Variants in ATG14 observed in about 807,000 individuals in gnomAD.
ATG14 encodes the protein beclin 1-associated autophagy-related key regulator.
Under a neutral mutation model 60.4 loss-of-function variants are expected in ATG14, and 35 were observed. The observed-to-expected ratio is 0.58, with a 90% CI of 0.44 to 0.77. The LOEUF is 0.77. ATG14 is among the 30% of genes least tolerant of loss of function. ATG14 has a pLI of 0.00. For missense variants in ATG14, 647 were observed against 626.3 expected, an observed-to-expected ratio of 1.03 and a Z score of -0.35; for synonymous variants, 234 against 228.8, an observed-to-expected ratio of 1.02 and a Z score of -0.21.
At position 55,402,963 on chromosome 14, in the gene ATG14, ATATAT is replaced by A. The variant is rs1566585791; in HGVS notation, c.222-5534_222-5530del. Among the ~76,000 whole-genome samples the A allele has an allele frequency of 1.5e-3, 114 of 78,322 alleles. 1 individual carries two copies. The highest frequency in any genetic ancestry group is 3.9e-3 in the African/African-American group (95 of 24,262). 51.4% of individuals were successfully genotyped at this position (78,322 alleles called of 152,430 possible). Reference sequence around the variant, plus strand: ...TATATATATATATATATATATATATATATATAAATAGCTGGGCATAGTGGTGCATG... The same window carrying A: ...TATATATATATATATATATATATATAAAATAGCTGGGCATAGTGGTGCATG... On this transcript the variant is annotated intron_variant, in intron 1 of 9. Coordinates refer to ENST00000247178, the MANE Select transcript of ATG14 (RefSeq NM_014924.5).
At chr14:55,397,828 A>G (rs1261507690) in intron 1 of ATG14, among the ~76,000 whole-genome samples, 1 of 152,156 alleles carries the variant, frequency 6.6e-6, no homozygotes, top group Non-Finnish European at 1.5e-5. Context: ...GATTCCTTAT[A>G]ATAAATTTTT....
chr14:55,384,051 A>G (rs1422323435), intron 5 of ATG14, among the ~76,000 whole-genome samples: 1 of 152,192 alleles, frequency 6.6e-6, no homozygotes, highest in East Asian at 1.9e-4. Context: ...TGCCACAGAT[A>G]AGACTGTGGC....
intron 7 of ATG14, among the ~76,000 whole-genome samples, chr14:55,379,294 G>A (rs861714): frequency 1.3e-5 from 2 of 152,114 alleles, no homozygotes; most frequent in African/African-American, 4.8e-5. Flanking sequence ...CCAGCACTGT[G>A]GGAGGCAGAG....
intron 3 of ATG14, among the ~76,000 whole-genome samples, chr14:55,393,251 G>C (rs555117633): frequency 6.6e-6 from 1 of 152,090 alleles, no homozygotes; most frequent in East Asian, 1.9e-4. Flanking sequence ...CGGGCGTGGT[G>C]GTGGGCGCCT....
chr14:55,366,881 AAC>A lies in ATG14; in HGVS notation c.*2736_*2737del, dbSNP rs533252518. The A allele has an allele frequency of 2.2e-3, 343 of 152,750 alleles. 4 individuals are homozygous for A. The highest frequency in any genetic ancestry group is 7.6e-3 in the African/African-American group (315 of 41,552). 9.5% of individuals were successfully genotyped at this position (152,750 alleles called of 1,614,324 possible). ...AATGAGCAGCAAAAAGAGTAGAAAA[AAC>A]AGTGGTTGAAATGTATACTTAAGAG... On this transcript the variant is annotated 3_prime_UTR_variant, in exon 10 of 10. Coordinates refer to ENST00000247178, the MANE Select transcript of ATG14 (RefSeq NM_014924.5).
intron 9 of ATG14, among the ~76,000 whole-genome samples, chr14:55,373,286 A>C (rs1884857196): frequency 6.6e-6 from 1 of 152,178 alleles, no homozygotes. Context: ...CTACCAATTA[A>C]GGCAACAAAA....
chr14:55,401,605 A>G (rs1399501149), intron 1 of ATG14, among the ~76,000 whole-genome samples: 2 of 152,108 alleles, frequency 1.3e-5, no homozygotes, highest in Admixed American at 6.5e-5. Context: ...TCTCAAATGA[A>G]CTTTGTTGTT....
intron 1 of ATG14, among the ~76,000 whole-genome samples, chr14:55,402,776 C>T (rs1011286259): frequency 2.0e-5 from 3 of 147,078 alleles, no homozygotes; most frequent in Non-Finnish European, 4.5e-5. Flanking sequence ...AAATTAGAAA[C>T]AGGCCAGGTG....
At chr14:55,380,407 G>A (rs150766524) in intron 7 of ATG14, among the ~76,000 whole-genome samples, 166 bp downstream of exon 7, 2 of 152,228 alleles carry the variant, frequency 1.3e-5, no homozygotes, top group Admixed American at 6.5e-5. Flanking sequence ...ATAATGAAAC[G>A]AATCTGCACA....
intron 4 of ATG14, among the ~76,000 whole-genome samples, chr14:55,389,915 T>C (rs373802521): frequency 1.3e-5 from 2 of 152,054 alleles, no homozygotes; most frequent in Admixed American, 1.3e-4. Flanking sequence ...TGTACAAATA[T>C]GATGTAAGAT....
chr14:55,399,312 T>C (rs1885362819), intron 1 of ATG14, among the ~76,000 whole-genome samples: 1 of 152,266 alleles, frequency 6.6e-6, no homozygotes, highest in African/African-American at 2.4e-5. Context: ...TCAGTTGTAC[T>C]GCCATCCACA....
At chr14:55,377,957 A>C (rs758746017) in intron 8 of ATG14, 27 bp downstream of exon 8, 64 of 1,595,994 alleles carry the variant, frequency 4.0e-5, no homozygotes, top group Non-Finnish European at 4.7e-5. Flanking sequence ...ACAAAGTAAA[A>C]ATTAGTTCAC....
chr14:55,389,120 T>C (rs1885172427), intron 4 of ATG14, among the ~76,000 whole-genome samples: 1 of 152,226 alleles, frequency 6.6e-6, no homozygotes, highest in African/African-American at 2.4e-5. Flanking sequence ...CTCCTTTAGA[T>C]CTATGTCTAA....
At chr14:55,398,652 A>C (rs532991113) in intron 1 of ATG14, among the ~76,000 whole-genome samples, 38 of 152,254 alleles carry the variant, frequency 2.5e-4, no homozygotes, top group East Asian at 1.2e-3. Flanking sequence ...TCGATCTTGT[A>C]ACCTGAGACT....
intron 4 of ATG14, among the ~76,000 whole-genome samples, chr14:55,388,367 T>C (rs961568865): frequency 1.6e-4 from 24 of 152,236 alleles, no homozygotes; most frequent in Admixed American, 1.2e-3. Context: ...TGGCAGGAAA[T>C]CATCAGTCAC....
chr14:55,411,782 G>T lies in ATG14; in HGVS notation c.41C>A (p.Ala14Asp). The T allele has an allele frequency of 6.2e-7, 1 of 1,602,686 alleles. No homozygotes were observed. The highest frequency in any genetic ancestry group is 8.5e-7 in the Non-Finnish European group (1 of 1,175,260). Residue 14 changes from alanine (A) to aspartate (D), a missense_variant, in exon 1 of 10, where the codon GCT (alanine) becomes GAT (aspartate). Coordinates refer to ENST00000247178, the MANE Select transcript of ATG14 (RefSeq NM_014924.5). The part of the protein sequence containing the change: ...PSGKGARALE[A>D]PGCGPRPLAR... ...GAGCGGCCGGGGCCCGCAGCCAGGAGCCTCCAGCGCCCGGGCTCCCTTCCC... is the reference window on the plus strand; with the variant it reads ...GAGCGGCCGGGGCCCGCAGCCAGGATCCTCCAGCGCCCGGGCTCCCTTCCC...
intron 4 of ATG14, among the ~76,000 whole-genome samples, chr14:55,386,303 A>T (rs1180527472): frequency 6.6e-6 from 1 of 152,184 alleles, no homozygotes; most frequent in Non-Finnish European, 1.5e-5. Context: ...GATTAAAATG[A>T]CTCTGGATCT....
rs528534069 is a variant in ATG14 at position 55,375,849 on chromosome 14, T to C, written c.1172+1970A>G. Among the ~76,000 whole-genome samples the C allele has an allele frequency of 3.9e-5, 6 of 152,336 alleles. No individual in the cohort carries two copies. In the South Asian group the frequency reaches 6.2e-4, roughly 16 times the overall value. On this transcript the variant is annotated intron_variant, in intron 9 of 9. Transcript: ENST00000247178. ...TCCTTGATTGTTCCTATGTAATCTA[T>C]TGCATAAATTACATCAGTATCTATG...
chr14:55,369,602 G>GT lies in ATG14; in HGVS notation c.*16dup. The GT allele has an allele frequency of 6.7e-7, 1 of 1,495,846 alleles. No individual in the cohort carries two copies. Among genetic ancestry groups the GT allele is most frequent in the Non-Finnish European group, 8.9e-7 (1 of 1,120,252 alleles). The allele number at this position is 1,495,846 out of a possible 1,614,324, so 92.7% of individuals were successfully genotyped here. On this transcript the variant is annotated 3_prime_UTR_variant, in exon 10 of 10. Coordinates refer to ENST00000247178, the MANE Select transcript of ATG14 (RefSeq NM_014924.5). ...AACTTTCTTGATGCAGATTTGGTAT[G>GT]TTTTGGTCCATGCTCGTTAACGGTG...
Sources: allele counts gnomAD v4.1 joint callset (sites outside exome capture counted in the v4.1 genomes callset), GRCh38; gene constraint gnomAD v4.1.1; transcripts MANE v1.5; gene names NCBI Gene and HGNC (gene_info 2026-07-23, HGNC 2026-07-21).